The following INPP4B variants were observed in gnomAD, a reference collection of about 807,000 sequenced individuals.
The protein encoded by INPP4B is inositol polyphosphate-4-phosphatase type II B, also known as inositol polyphosphate 4-phosphatase type II.
A neutral mutation model predicts 122.5 loss-of-function variants in INPP4B; 55 were observed. The ratio of observed to expected loss-of-function variants is 0.45; its 90% CI spans 0.36 to 0.56. The LOEUF is 0.56. Ranked by LOEUF, INPP4B falls within the 20% of genes least tolerant of loss-of-function variation. The pLI, the probability that INPP4B is intolerant of heterozygous loss-of-function variation, is 0.00. For missense variants in INPP4B, 1,000 were observed against 1,097.7 expected, an observed-to-expected ratio of 0.91 and a Z score of 1.26; for synonymous variants, 403 against 388.7, an observed-to-expected ratio of 1.04 and a Z score of -0.43.
At chr4:142,470,096 A>C (rs576482984) in intron 2 of INPP4B, among the ~76,000 whole-genome samples, 2 of 152,058 alleles carry the variant, frequency 1.3e-5, no homozygotes, top group East Asian at 3.9e-4. Context: ...GGAGGGGTCA[A>C]TTCTACTTTT....
At chr4:142,572,877 C>T (rs1020550645) in intron 2 of INPP4B, among the ~76,000 whole-genome samples, 10 of 150,632 alleles carry the variant, frequency 6.6e-5, no homozygotes, top group South Asian at 2.1e-4. Context: ...CATATATATG[C>T]TTTTATATAT....
chr4:142,686,306 C>T (rs1192981144), intron 2 of INPP4B, among the ~76,000 whole-genome samples: 2 of 152,070 alleles, frequency 1.3e-5, no homozygotes, highest in Non-Finnish European at 2.9e-5. Flanking sequence ...TAGGGAGAAA[C>T]GCTGATTCTA....
chr4:142,607,413 A>G (rs1580486479), intron 2 of INPP4B, among the ~76,000 whole-genome samples: 1 of 152,222 alleles, frequency 6.6e-6, no homozygotes, highest in Non-Finnish European at 1.5e-5. Flanking sequence ...AGAGGCATCT[A>G]GAAATTGCCA....
chr4:142,515,736 A>AT (rs1305747697), intron 2 of INPP4B, among the ~76,000 whole-genome samples: 4 of 152,214 alleles, frequency 2.6e-5, no homozygotes, highest in Non-Finnish European at 5.9e-5. Flanking sequence ...AAAGGGTTCC[A>AT]TGGCTAAAAC....
chr4:142,230,648 A>C (rs1463317239), intron 12 of INPP4B, among the ~76,000 whole-genome samples: 2 of 133,452 alleles, frequency 1.5e-5, no homozygotes, highest in African/African-American at 6.5e-5. Flanking sequence ...CACCTCAAAA[A>C]AAAAAAAAAA....
chr4:142,808,169 T>C (rs1268536510), intron 1 of INPP4B, among the ~76,000 whole-genome samples: 1 of 152,084 alleles, frequency 6.6e-6, no homozygotes, highest in Non-Finnish European at 1.5e-5. Context: ...ACCAACTAGA[T>C]TCTTTCTTGA....
At chr4:142,246,079 A>AC (rs1561601950) in intron 11 of INPP4B, among the ~76,000 whole-genome samples, 5 of 133,728 alleles carry the variant, frequency 3.7e-5, no homozygotes, top group African/African-American at 1.2e-4. Flanking sequence ...GTATACACAC[A>AC]TTATATATAT....
intron 23 of INPP4B, among the ~76,000 whole-genome samples, chr4:142,098,115 G>A (rs1018942507): frequency 1.3e-5 from 2 of 152,114 alleles, no homozygotes; most frequent in African/African-American, 4.8e-5. Context: ...AAGACTTAGA[G>A]GAGGTGAGTG....
At chr4:142,724,736 C>T (rs1039501023) in intron 2 of INPP4B, among the ~76,000 whole-genome samples, 1 of 151,984 alleles carries the variant, frequency 6.6e-6, no homozygotes. Flanking sequence ...TACCTAGAAG[C>T]CAGAAATATG....
chr4:142,618,510 C>T (rs562877556), intron 2 of INPP4B, among the ~76,000 whole-genome samples: 7 of 152,140 alleles, frequency 4.6e-5, no homozygotes, highest in Non-Finnish European at 1.0e-4. Context: ...ACAAACAGCA[C>T]TGGGGAAACT....
chr4:142,117,994 C>A (rs559658444), intron 21 of INPP4B, among the ~76,000 whole-genome samples: 3 of 152,172 alleles, frequency 2.0e-5, no homozygotes, highest in Non-Finnish European at 4.4e-5. Context: ...TACTATACAC[C>A]AATAACAGAC....
intron 17 of INPP4B, among the ~76,000 whole-genome samples, chr4:142,148,813 G>A (rs575806853): frequency 6.6e-6 from 1 of 152,094 alleles, no homozygotes; most frequent in Non-Finnish European, 1.5e-5. Context: ...GTCATAAAGG[G>A]TTACATATAT....
intron 15 of INPP4B, among the ~76,000 whole-genome samples, chr4:142,192,011 T>C (rs1836047159): frequency 6.6e-6 from 1 of 152,024 alleles, no homozygotes; most frequent in Non-Finnish European, 1.5e-5. Context: ...ATTTTATATT[T>C]GATAAATGTG....
intron 11 of INPP4B, among the ~76,000 whole-genome samples, chr4:142,252,983 T>C: frequency 6.6e-6 from 1 of 152,218 alleles, no homozygotes; most frequent in South Asian, 2.1e-4. Flanking sequence ...ACTACACACC[T>C]ACGCTCCAGG....
chr4:142,497,092 T>C (rs1822681452), intron 2 of INPP4B: 1 of 152,180 alleles, frequency 6.6e-6, no homozygotes, highest in Admixed American at 6.6e-5. Context: ...TGTGATTTTC[T>C]GCATCACATT....
At chr4:142,538,968 G>T (rs1174895804) in intron 2 of INPP4B, among the ~76,000 whole-genome samples, 1 of 151,310 alleles carries the variant, frequency 6.6e-6, no homozygotes, top group African/African-American at 2.4e-5. Flanking sequence ...CCTCAAAAAA[G>T]ATAAAAGTAA....
intron 2 of INPP4B, among the ~76,000 whole-genome samples, chr4:142,559,667 A>G (rs1730015958): frequency 6.6e-6 from 1 of 152,160 alleles, no homozygotes; most frequent in Non-Finnish European, 1.5e-5. Flanking sequence ...TTATCTTGTA[A>G]TCATAGCCCT....
chr4:142,625,545 T>C lies in INPP4B; in HGVS notation c.-191+100294A>G, dbSNP rs1211185310. On this transcript the variant is annotated intron_variant, in intron 2 of 25. Transcript: ENST00000262992. The stretch of plus-strand genomic sequence containing the variant: ...GTAGGAAGAATCAATATCGTGAAAA[T>C]GGCCATACTGCCCAAGGTAATTTAT... 3.9e-5 allele frequency among the ~76,000 whole-genome samples: 6 copies of C among 152,098 alleles called. No individual in the cohort carries two copies. The East Asian group carries it at 1.2e-3, about 29-fold the overall frequency.
rs556776971 is a variant in INPP4B at position 142,542,914 on chromosome 4, T to C, written c.-190-80188A>G. 7.9e-4 allele frequency among the ~76,000 whole-genome samples: 120 copies of C among 152,174 alleles called. 3 individuals are homozygous for C. The South Asian group carries it at 0.025, about 31-fold the overall frequency. On this transcript the variant is annotated intron_variant, in intron 2 of 25. Coordinates refer to ENST00000262992, the MANE Select transcript of INPP4B (RefSeq NM_001101669.3). ...CACTGTAAATCTTCTGTGTTCAAAA[T>C]CAACATCAACCGGTTTGATCATGTA...
Sources: allele counts gnomAD v4.1 joint callset (sites outside exome capture counted in the v4.1 genomes callset), GRCh38; gene constraint gnomAD v4.1.1; transcripts MANE v1.5; gene names NCBI Gene and HGNC (gene_info 2026-07-23, HGNC 2026-07-21).